The following POU6F2 variants were observed in gnomAD, a reference collection of about 807,000 sequenced individuals.
The protein encoded by POU6F2 is POU class 6 homeobox 2.
Under a neutral mutation model 71.3 loss-of-function variants are expected in POU6F2, and 31 were observed. The ratio of observed to expected loss-of-function variants is 0.43; its 90% confidence interval spans 0.33 to 0.59. The LOEUF is 0.59. Among genes scored for constraint, POU6F2 ranks in the 20% least tolerant of loss-of-function variants. The probability of loss-of-function intolerance (pLI) is 0.04; values close to 1 mark genes in which losing one functional copy is unlikely to be tolerated. For missense variants in POU6F2, 783 were observed against 856.8 expected (o/e 0.91, Z 1.07); for synonymous variants, 347 against 355.7 (o/e 0.98, Z 0.27).
intron 1 of POU6F2, among the ~76,000 whole-genome samples, chr7:39,010,008 G>C (rs1036749378): frequency 6.6e-6 from 1 of 151,162 alleles, no homozygotes; most frequent in Non-Finnish European, 1.5e-5. Context: ...TCTCTGCCAG[G>C]CTTTGGTATC....
At chr7:39,358,367 C>A (rs901244887) in intron 5 of POU6F2, among the ~76,000 whole-genome samples, 1 of 152,060 alleles carries the variant, frequency 6.6e-6, no homozygotes, top group Non-Finnish European at 1.5e-5. Context: ...TTGCAGCTGG[C>A]TGATGGGTCC....
chr7:39,138,953 A>G (rs1197064430), intron 2 of POU6F2, among the ~76,000 whole-genome samples: 2 of 152,002 alleles, frequency 1.3e-5, no homozygotes, highest in Non-Finnish European at 2.9e-5. Context: ...CTGTTGGGAG[A>G]GAGAGCTATC....
At chr7:39,038,116 G>T (rs1034341510) in intron 1 of POU6F2, among the ~76,000 whole-genome samples, 1 of 151,932 alleles carries the variant, frequency 6.6e-6, no homozygotes, top group African/African-American at 2.4e-5. Context: ...GGAATAAAAT[G>T]GTTTGCCAAC....
At chr7:39,286,917 C>A (rs1212199682) in intron 4 of POU6F2, among the ~76,000 whole-genome samples, 2 of 148,708 alleles carry the variant, frequency 1.3e-5, no homozygotes, top group African/African-American at 5.0e-5. Flanking sequence ...CATGAGCCAC[C>A]ATGCCCAGCT....
intron 1 of POU6F2, among the ~76,000 whole-genome samples, chr7:39,024,280 G>T (rs540073711): frequency 4.9e-4 from 74 of 151,980 alleles, no homozygotes; most frequent in African/African-American, 1.7e-3. Flanking sequence ...GTGAATGGGA[G>T]TTCACTCATG....
intron 4 of POU6F2, among the ~76,000 whole-genome samples, chr7:39,327,116 A>G (rs967100591): frequency 2.0e-5 from 3 of 152,150 alleles, no homozygotes; most frequent in South Asian, 4.2e-4. Context: ...CGTCTCTACT[A>G]AAAATACAAA....
intron 6 of POU6F2, among the ~76,000 whole-genome samples, chr7:39,412,643 T>G (rs192492219): frequency 6.6e-6 from 1 of 152,162 alleles, no homozygotes; most frequent in East Asian, 1.9e-4. Context: ...TTCACATATA[T>G]TACTTTATTT....
At chr7:39,103,667 C>G (rs1791620010) in intron 2 of POU6F2, among the ~76,000 whole-genome samples, 2 of 152,140 alleles carry the variant, frequency 1.3e-5, no homozygotes, top group South Asian at 4.2e-4. Context: ...TAAACCCTTA[C>G]CACAAATTCT....
chr7:39,269,505 C>T (rs1169384741), intron 4 of POU6F2, among the ~76,000 whole-genome samples: 3 of 152,252 alleles, frequency 2.0e-5, no homozygotes, highest in Non-Finnish European at 4.4e-5. Context: ...TTGGCCTCCA[C>T]CAGCTGACAA....
chr7:39,227,747 C>T lies in POU6F2; in HGVS notation c.598+20127C>T, dbSNP rs138527296. 3.5e-3 allele frequency among the ~76,000 whole-genome samples: 535 copies of T among 152,008 alleles called. 4 individuals are homozygous for T. The highest frequency in any genetic ancestry group is 0.011 in the African/African-American group (474 of 41,474). On this transcript the variant is annotated intron_variant, in intron 4 of 9. Transcript: ENST00000518318. ...TTTTGTTTTGTATTTTTAGTAGATA[C>T]GGGGTTTCACTGTGTTAGCGAGGAT... is the stretch of plus-strand genomic sequence containing the variant.
intron 2 of POU6F2, among the ~76,000 whole-genome samples, chr7:39,126,683 A>T (rs1431266088): frequency 1.3e-5 from 2 of 152,230 alleles, no homozygotes; most frequent in African/African-American, 4.8e-5. Context: ...GATGATTCAG[A>T]TCTATCTCCT....
chr7:39,014,998 G>A (rs558810169), intron 1 of POU6F2, among the ~76,000 whole-genome samples: 12 of 151,992 alleles, frequency 7.9e-5, no homozygotes, highest in African/African-American at 2.9e-4. Context: ...ATAAATGATC[G>A]TCTTCCTCCT....
chr7:39,130,487 C>T (rs1792248207), intron 2 of POU6F2, among the ~76,000 whole-genome samples: 1 of 152,156 alleles, frequency 6.6e-6, no homozygotes, highest in Admixed American at 6.5e-5. Context: ...CACAAGCAAC[C>T]TGCTGAGCTA....
chr7:39,408,248 A>G (rs1290510480), intron 6 of POU6F2, among the ~76,000 whole-genome samples: 1 of 152,194 alleles, frequency 6.6e-6, no homozygotes, highest in Non-Finnish European at 1.5e-5. Flanking sequence ...CAAGATAGAA[A>G]CCATATCCAC....
rs540432055 is a variant in POU6F2, at chr7:39,221,555, T to A, written c.598+13935T>A. ...ACAGGTGTGTGCCACCACACCTAAT[T>A]TTTGTATTTTTAGTAGAGACCGGGG... On this transcript the variant is annotated intron_variant, in intron 4 of 9. Transcript: ENST00000518318. Among the ~76,000 whole-genome samples the A allele has an allele frequency of 3.9e-5, 6 of 151,986 alleles. No individual in the cohort carries two copies. In the South Asian group the frequency reaches 1.2e-3, roughly 32 times the overall value.
chr7:39,145,890 T>C (rs1011248020), intron 2 of POU6F2, among the ~76,000 whole-genome samples: 1 of 152,192 alleles, frequency 6.6e-6, no homozygotes, highest in African/African-American at 2.4e-5. Context: ...GAAGCTTACC[T>C]GCACAGAGAT....
intron 2 of POU6F2, among the ~76,000 whole-genome samples, chr7:39,199,222 C>T (rs1177109947): frequency 6.6e-6 from 1 of 152,182 alleles, no homozygotes; most frequent in East Asian, 1.9e-4. Context: ...TTGGGATGAG[C>T]AATTCGTATT....
chr7:39,229,609 C>T (rs1221792263), intron 4 of POU6F2, among the ~76,000 whole-genome samples: 1 of 152,160 alleles, frequency 6.6e-6, no homozygotes, highest in East Asian at 1.9e-4. Context: ...TATCCTATAG[C>T]CTATATGACT....
At chr7:39,202,443 G>A (rs1793923460) in intron 2 of POU6F2, among the ~76,000 whole-genome samples, 1 of 152,098 alleles carries the variant, frequency 6.6e-6, no homozygotes, top group Non-Finnish European at 1.5e-5. Flanking sequence ...GGCAAGTATG[G>A]GAAAACAACC....
Sources: allele counts gnomAD v4.1 joint callset (sites outside exome capture counted in the v4.1 genomes callset), GRCh38; gene constraint gnomAD v4.1.1; transcripts MANE v1.5; gene names NCBI Gene and HGNC (gene_info 2026-07-23, HGNC 2026-07-21).